The following TXNDC16 variants were observed in gnomAD, a reference collection of about 807,000 sequenced individuals.
TXNDC16 encodes the protein thioredoxin domain-containing protein 16.
TXNDC16 carries 74 observed loss-of-function variants against 85.6 expected under a neutral mutation model. The observed-to-expected ratio is 0.86, with a 90% confidence interval of 0.72 to 1.05. The LOEUF (loss-of-function observed/expected upper bound fraction) is 1.05, where lower values mean the gene tolerates loss of function less well. Ranked by LOEUF, TXNDC16 falls within the 50% of genes least tolerant of loss-of-function variation. The pLI is 0.00. For missense variants in TXNDC16, 959 were observed against 947.0 expected (o/e 1.01, Z -0.17); for synonymous variants, 335 against 326.5 (o/e 1.03, Z -0.28).
In TXNDC16 at chr14:52,460,882, T is replaced by C. The variant is rs192568562; in HGVS notation, c.1619-3708A>G. Among the ~76,000 whole-genome samples, 439 of 152,226 alleles carry C rather than the reference T, an allele frequency of 2.9e-3. 1 individual carries two copies. The highest frequency in any genetic ancestry group is 9.8e-3 in the African/African-American group (406 of 41,570). ...TATGTGCAAAAGAGAAAACTAAATTTGTATTCTTTTATTAGTGTATTATCA... is the reference window on the plus strand; with the variant it reads ...TATGTGCAAAAGAGAAAACTAAATTCGTATTCTTTTATTAGTGTATTATCA... On this transcript the variant is annotated intron_variant, in intron 16 of 20. Transcript: ENST00000281741.
At chr14:52,473,873 T>C (rs930215960) in intron 14 of TXNDC16, among the ~76,000 whole-genome samples, 1 of 148,112 alleles carries the variant, frequency 6.8e-6, no homozygotes, top group African/African-American at 2.5e-5. Context: ...GAAAGACAGA[T>C]GATAGGACTA....
At chr14:52,551,396 T>C (rs1414463127) in intron 1 of TXNDC16, among the ~76,000 whole-genome samples, 2 of 151,342 alleles carry the variant, frequency 1.3e-5, no homozygotes, top group East Asian at 3.9e-4. Context: ...GGAGGACTGC[T>C]TGTGCCCAGG....
At chr14:52,489,737 C>T (rs34169233) in intron 11 of TXNDC16, among the ~76,000 whole-genome samples, 22,163 of 152,174 alleles carry the variant, frequency 0.15, 1,660 homozygotes, top group African/African-American at 0.16. Context: ...ACATCATCAG[C>T]ACAACCAGTG....
intron 9 of TXNDC16, among the ~76,000 whole-genome samples, chr14:52,493,359 G>C (rs1205776256): frequency 6.6e-6 from 1 of 151,830 alleles, no homozygotes; most frequent in Non-Finnish European, 1.5e-5. Context: ...TAACATGAAA[G>C]ACAGAGACTA....
At chr14:52,447,677 T>A (rs2035316597) in intron 18 of TXNDC16, among the ~76,000 whole-genome samples, 5 of 151,854 alleles carry the variant, frequency 3.3e-5, no homozygotes, top group Admixed American at 3.3e-4. Context: ...AAAGATGACC[T>A]CACCAAATGA....
intron 16 of TXNDC16, among the ~76,000 whole-genome samples, chr14:52,468,286 T>C (rs1237371514): frequency 6.6e-6 from 1 of 152,078 alleles, no homozygotes; most frequent in Non-Finnish European, 1.5e-5. Flanking sequence ...AGAAAAAATA[T>C]ACAAAGCAAG....
intron 17 of TXNDC16, among the ~76,000 whole-genome samples, chr14:52,456,363 T>A (rs541796408): frequency 6.7e-6 from 1 of 150,196 alleles, no homozygotes; most frequent in South Asian, 2.2e-4. Flanking sequence ...TGGACAGTCC[T>A]CATATTTCCT....
intron 17 of TXNDC16, 131 bp from the exon 18 acceptor site, chr14:52,455,593 C>T (rs569047607): frequency 3.2e-6 from 3 of 930,970 alleles, no homozygotes; most frequent in South Asian, 3.4e-5. Context: ...AAATGAACTC[C>T]ATTTCCAGGC....
At chr14:52,476,367 G>A (rs564224450) in intron 14 of TXNDC16, among the ~76,000 whole-genome samples, 25 of 152,050 alleles carry the variant, frequency 1.6e-4, no homozygotes, top group Non-Finnish European at 2.5e-4. Context: ...AATTCAGAAG[G>A]TTAGTTATTA....
intron 14 of TXNDC16, among the ~76,000 whole-genome samples, chr14:52,472,455 CAA>C (rs1367531205): frequency 2.0e-5 from 3 of 152,146 alleles, no homozygotes; most frequent in African/African-American, 7.2e-5. Context: ...CTCAGCCTTC[CAA>C]AGTGCTGGGA....
At chr14:52,474,730 C>CAA (rs200222566) in intron 14 of TXNDC16, among the ~76,000 whole-genome samples, 3 of 126,192 alleles carry the variant, frequency 2.4e-5, no homozygotes, top group Admixed American at 8.1e-5. Context: ...AACTCCATCT[C>CAA]AAAAAAAAAA....
At chr14:52,441,101 T>C (rs1463612476) in intron 18 of TXNDC16, among the ~76,000 whole-genome samples, 1 of 152,216 alleles carries the variant, frequency 6.6e-6, no homozygotes, top group Non-Finnish European at 1.5e-5. Context: ...AAGAAAACTG[T>C]AAGCTGAAAA....
intron 11 of TXNDC16, among the ~76,000 whole-genome samples, chr14:52,489,104 A>G (rs954270518): frequency 1.3e-5 from 2 of 152,150 alleles, no homozygotes; most frequent in African/African-American, 4.8e-5. Context: ...TCTTTATAAA[A>G]TGGAAATATA....
intron 1 of TXNDC16, among the ~76,000 whole-genome samples, chr14:52,545,094 C>T (rs2037915513): frequency 6.6e-6 from 1 of 152,042 alleles, no homozygotes; most frequent in African/African-American, 2.4e-5. Flanking sequence ...ATAACTATAA[C>T]CTAATTAAAC....
At chr14:52,471,336 AACT>A (rs1326883883) in intron 14 of TXNDC16, among the ~76,000 whole-genome samples, 1 of 152,210 alleles carries the variant, frequency 6.6e-6, no homozygotes, top group African/African-American at 2.4e-5. Flanking sequence ...CCTCCTGGAT[AACT>A]ACAATAGGCT....
chr14:52,514,577 C>A (rs567786443), intron 8 of TXNDC16, among the ~76,000 whole-genome samples: 1 of 152,118 alleles, frequency 6.6e-6, no homozygotes, highest in African/African-American at 2.4e-5. Flanking sequence ...TATTTTACCC[C>A]CTATCTGATC....
intron 12 of TXNDC16, among the ~76,000 whole-genome samples, chr14:52,485,371 G>A (rs1186864809): frequency 6.6e-6 from 1 of 152,146 alleles, no homozygotes; most frequent in African/African-American, 2.4e-5. Flanking sequence ...CAGTCAAAAT[G>A]TTTTTAAAAA....
chr14:52,484,869 G>A (rs1290831108), intron 12 of TXNDC16, among the ~76,000 whole-genome samples: 1 of 151,752 alleles, frequency 6.6e-6, no homozygotes, highest in Non-Finnish European at 1.5e-5. Context: ...CGACAAAAGT[G>A]AAACTCTGTC....
At chr14:52,498,768 A>G (rs2140164671) in intron 9 of TXNDC16, among the ~76,000 whole-genome samples, 1 of 152,278 alleles carries the variant, frequency 6.6e-6, no homozygotes, top group East Asian at 1.9e-4. Flanking sequence ...TACAGATTCA[A>G]TGCAATCCCT....
Sources: allele counts gnomAD v4.1 joint callset (sites outside exome capture counted in the v4.1 genomes callset), GRCh38; gene constraint gnomAD v4.1.1; transcripts MANE v1.5; gene names NCBI Gene and HGNC (gene_info 2026-07-23, HGNC 2026-07-21).